The following TMEM217B variants were observed in gnomAD, a reference collection of about 807,000 sequenced individuals.
TMEM217B encodes the protein transmembrane protein 217B.
the TMEM217B span, among the ~76,000 whole-genome samples, chr6:37,239,760 C>A: frequency 1.3e-5 from 2 of 151,524 alleles, no homozygotes; most frequent in Non-Finnish European, 1.5e-5. Context: ...ATAACAATGA[C>A]AACGAACACA....
At chr6:37,216,032 T>TGTGA in the TMEM217B span, among the ~76,000 whole-genome samples, 1,536 of 138,550 alleles carry the variant, frequency 0.011, 66 homozygotes, top group African/African-American at 0.038. Flanking sequence ...TGTGTGTGTG[T>TGTGA]GAGAAACAGA....
the TMEM217B span, among the ~76,000 whole-genome samples, chr6:37,253,024 C>A: frequency 6.6e-6 from 1 of 152,122 alleles, no homozygotes; most frequent in East Asian, 1.9e-4. Context: ...CTACCCTCTA[C>A]CAAAATTTGC....
At chr6:37,257,716 C>T in the TMEM217B span, 4 of 563,436 alleles carry the variant, frequency 7.1e-6, no homozygotes, top group Non-Finnish European at 1.2e-5. Flanking sequence ...ATTGGTCGGC[C>T]CGTCCACGGC....
chr6:37,218,395 T>A, the TMEM217B span: 1 of 1,521,476 alleles, frequency 6.6e-7, no homozygotes, highest in Non-Finnish European at 8.9e-7. Context: ...CAGGCTGGTC[T>A]TGAACTCCTG....
chr6:37,215,994 GGTGTGTGTGTGTGTGTGT>G, the TMEM217B span, among the ~76,000 whole-genome samples: 8 of 149,176 alleles, frequency 5.4e-5, no homozygotes, highest in East Asian at 2.0e-4. Flanking sequence ...GGTTCTTCAG[GGTGTGTGTGTGTGTGTGT>G]GTGTGTGTGT....
the TMEM217B span, among the ~76,000 whole-genome samples, chr6:37,231,730 ATATATATAT>A: frequency 2.0e-5 from 3 of 147,256 alleles, no homozygotes; most frequent in East Asian, 2.0e-4. Context: ...TTTATCTTTT[ATATATATAT>A]TATATATATT....
the TMEM217B span, among the ~76,000 whole-genome samples, chr6:37,235,793 T>C: frequency 6.6e-6 from 1 of 152,154 alleles, no homozygotes; most frequent in Non-Finnish European, 1.5e-5. Context: ...GGGAGGAAAG[T>C]AGAAGGGCAA....
chr6:37,241,521 G>A, the TMEM217B span, among the ~76,000 whole-genome samples: 1 of 152,096 alleles, frequency 6.6e-6, no homozygotes, highest in African/African-American at 2.4e-5. Flanking sequence ...CTAGAAGCAG[G>A]TGCTGGCAGG....
chr6:37,253,806 T>C, the TMEM217B span, among the ~76,000 whole-genome samples: 2 of 152,224 alleles, frequency 1.3e-5, no homozygotes, highest in African/African-American at 2.4e-5. Context: ...TTTCCTCCTA[T>C]AGTTCTTCAG....
At chr6:37,217,987 A>G in the TMEM217B span, 1 of 989,564 alleles carries the variant, frequency 1.0e-6, no homozygotes. Context: ...TTGTGATTAT[A>G]ATCACATTTT....
At chr6:37,228,521 T>C in the TMEM217B span, among the ~76,000 whole-genome samples, 3 of 152,174 alleles carry the variant, frequency 2.0e-5, no homozygotes, top group Non-Finnish European at 2.9e-5. Context: ...CTGACCAATA[T>C]GGTGAAACCC....
the TMEM217B span, among the ~76,000 whole-genome samples, chr6:37,219,808 C>A: frequency 1.3e-5 from 2 of 152,198 alleles, no homozygotes; most frequent in South Asian, 4.2e-4. Context: ...GTGAAAATTG[C>A]CTGTACTTGT....
At chr6:37,242,791 C>T in the TMEM217B span, among the ~76,000 whole-genome samples, 1 of 152,192 alleles carries the variant, frequency 6.6e-6, no homozygotes, top group African/African-American at 2.4e-5. Flanking sequence ...AGGTTGGCAT[C>T]TGTAATTCCT....
chr6:37,238,440 C>T, the TMEM217B span, among the ~76,000 whole-genome samples: 2 of 152,120 alleles, frequency 1.3e-5, no homozygotes, highest in Non-Finnish European at 2.9e-5. Context: ...TCTTTGCTAC[C>T]AGAAGTCTGC....
At chr6:37,229,599 C>T in the TMEM217B span, among the ~76,000 whole-genome samples, 2 of 152,118 alleles carry the variant, frequency 1.3e-5, no homozygotes, top group Non-Finnish European at 2.9e-5. Context: ...GCCTCCGCCT[C>T]CCAAAGTGCT....
chr6:37,222,880 T>C, the TMEM217B span, among the ~76,000 whole-genome samples: 1 of 152,214 alleles, frequency 6.6e-6, no homozygotes, highest in Non-Finnish European at 1.5e-5. Flanking sequence ...CTGCTGCAGC[T>C]GGAGTGACAG....
the TMEM217B span, among the ~76,000 whole-genome samples, chr6:37,234,211 TG>T: frequency 6.6e-6 from 1 of 151,874 alleles, no homozygotes. Flanking sequence ...ATGATTCTCC[TG>T]CCTCAGCCTC....
chr6:37,223,590 C>T, the TMEM217B span, among the ~76,000 whole-genome samples: 1 of 152,130 alleles, frequency 6.6e-6, no homozygotes, highest in South Asian at 2.1e-4. Flanking sequence ...TTCACCACAA[C>T]CTCTGCCTCC....
the TMEM217B span, among the ~76,000 whole-genome samples, chr6:37,229,347 T>TTTTTG: frequency 2.3e-5 from 3 of 131,136 alleles, no homozygotes; most frequent in Non-Finnish European, 3.2e-5. Flanking sequence ...TTTTTTTTTT[T>TTTTTG]TTTTTTTTTT....
Sources: gnomAD v4.1 joint callset for allele counts (sites outside exome capture counted in the v4.1 genomes callset) on GRCh38, gnomAD v4.1.1 for gene constraint, MANE v1.5 for transcripts, NCBI Gene and HGNC (gene_info 2026-07-23, HGNC 2026-07-21) for gene names.